Variants in TCF7L2 observed in about 807,000 individuals in gnomAD.
The protein encoded by TCF7L2 is transcription factor 7-like 2.
A neutral mutation model predicts 77.9 loss-of-function variants in TCF7L2; 23 were observed. That is an observed-to-expected ratio of 0.30 (90% confidence interval 0.21 to 0.42). The LOEUF is 0.42. Ranked by LOEUF, TCF7L2 falls within the 10% of genes least tolerant of loss-of-function variation. The pLI, the probability that TCF7L2 is intolerant of heterozygous loss-of-function variation, is 1.00. For missense variants in TCF7L2, 654 were observed against 793.1 expected (o/e 0.82, Z 2.11); for synonymous variants, 413 against 340.2 (o/e 1.21, Z -2.36).
chr10:112,964,733 A>ATGGTGGTGGTGG (rs2036126525), intron 4 of TCF7L2, 109 bp downstream of exon 4: 2 of 774,724 alleles, frequency 2.6e-6, no homozygotes, highest in African/African-American at 4.3e-5. Flanking sequence ...GATGATGATG[A>ATGGTGGTGGTGG]TGATGATGGT....
At chr10:113,093,519 G>A (rs1284083109) in intron 5 of TCF7L2, among the ~76,000 whole-genome samples, 4 of 152,154 alleles carry the variant, frequency 2.6e-5, no homozygotes, top group Non-Finnish European at 5.9e-5. Context: ...CTCAACAATT[G>A]TACTTTCTGT....
At chr10:112,960,691 GT>G (rs11440022) in intron 3 of TCF7L2, among the ~76,000 whole-genome samples, 42 of 144,726 alleles carry the variant, frequency 2.9e-4, no homozygotes, top group South Asian at 1.5e-3. Flanking sequence ...ATGGGAACCT[GT>G]TTTTTTTTTT....
chr10:113,017,639 C>T (rs2047575594), intron 4 of TCF7L2, among the ~76,000 whole-genome samples: 2 of 152,232 alleles, frequency 1.3e-5, no homozygotes, highest in African/African-American at 4.8e-5. Flanking sequence ...CTGGTCACCG[C>T]AGACTTCCTG....
chr10:113,058,543 GC>G (rs1189507634), intron 5 of TCF7L2, among the ~76,000 whole-genome samples: 2 of 152,120 alleles, frequency 1.3e-5, no homozygotes, highest in African/African-American at 4.8e-5. Flanking sequence ...GCAGCTCATA[GC>G]CCCAGCCCCT....
chr10:112,979,555 G>A (rs1436141923), intron 4 of TCF7L2, among the ~76,000 whole-genome samples: 2 of 152,050 alleles, frequency 1.3e-5, no homozygotes, highest in African/African-American at 2.4e-5. Flanking sequence ...TCAGGAGTTC[G>A]AGATCAGCCT....
chr10:113,023,031 G>C (rs55972445), intron 4 of TCF7L2, among the ~76,000 whole-genome samples: 2 of 152,108 alleles, frequency 1.3e-5, no homozygotes, highest in Admixed American at 1.3e-4. Context: ...TTAGTGGAGT[G>C]GGGGCTCAGT....
rs143926023 is a variant in TCF7L2 at position 113,051,994 on chromosome 10, CACTT to C, written c.552+11873_552+11876del. On this transcript the variant is annotated intron_variant, in intron 5 of 13. Coordinates refer to ENST00000627217, the MANE Select transcript of TCF7L2 (RefSeq NM_001146274.2). ...TCGTGTAGTCTCCTCTACTTACTAA[CACTT>C]ACTTGTATTACTAGAAGCATTATTT... 3.9e-3 allele frequency among the ~76,000 whole-genome samples: 587 copies of C among 152,230 alleles called. 3 individuals carry two copies. Among genetic ancestry groups the C allele is most frequent in the African/African-American group, 0.013 (560 of 41,522 alleles).
Position 113,165,927 on chromosome 10 carries a change from G to C in TCF7L2, c.1764G>C (p.Gly588=), listed in dbSNP as rs760212486. ...TACATTCCCACAGCTCCCTGGCCGGGACCCAGCCCCAGCCGCTGTCGCTCG... is the reference window on the plus strand; with the variant it reads ...TACATTCCCACAGCTCCCTGGCCGGCACCCAGCCCCAGCCGCTGTCGCTCG... Residue 588 remains glycine, a synonymous_variant, in exon 14 of 14, where the codon GGG becomes GGC. Coordinates refer to ENST00000627217, the MANE Select transcript of TCF7L2 (RefSeq NM_001146274.2). 2.2e-4 allele frequency: 340 copies of C among 1,560,464 alleles called. No homozygotes were observed. Among genetic ancestry groups the C allele is most frequent in the Non-Finnish European group, 2.9e-4 (329 of 1,151,646 alleles).
chr10:113,133,708 T>TGAGTC (rs1274204831), intron 5 of TCF7L2, among the ~76,000 whole-genome samples: 1 of 152,262 alleles, frequency 6.6e-6, no homozygotes, highest in Non-Finnish European at 1.5e-5. Context: ...TGAGAAACTA[T>TGAGTC]GAGTCGGCAA....
chr10:113,021,270 CT>C (rs1201388724), intron 4 of TCF7L2, among the ~76,000 whole-genome samples: 2 of 152,176 alleles, frequency 1.3e-5, no homozygotes, highest in Non-Finnish European at 2.9e-5. Context: ...AGAGTGCATT[CT>C]GTATGGTAAG....
At chr10:113,038,978 C>T (rs1190461283) in intron 4 of TCF7L2, among the ~76,000 whole-genome samples, 1 of 152,194 alleles carries the variant, frequency 6.6e-6, no homozygotes, top group East Asian at 1.9e-4. Flanking sequence ...TATCTTATAT[C>T]CCCTCCAAGC....
At chr10:113,057,333 C>G (rs754109492) in intron 5 of TCF7L2, among the ~76,000 whole-genome samples, 1 of 152,208 alleles carries the variant, frequency 6.6e-6, no homozygotes, top group African/African-American at 2.4e-5. Context: ...CCAGGCCCAG[C>G]TAACTTTTTG....
At chr10:112,955,319 T>A (rs540458364) in intron 3 of TCF7L2, among the ~76,000 whole-genome samples, 47 of 152,352 alleles carry the variant, frequency 3.1e-4, no homozygotes, top group Non-Finnish European at 6.2e-4. Flanking sequence ...ATGGCGAACA[T>A]GTTTAGATTT....
intron 5 of TCF7L2, among the ~76,000 whole-genome samples, chr10:113,091,899 T>C (rs1013763956): frequency 1.3e-5 from 2 of 152,214 alleles, no homozygotes; most frequent in African/African-American, 4.8e-5. Context: ...TTCTCTGCAT[T>C]AGCCATGGCC....
Position 113,166,354 on chromosome 10 carries a change from T to C in TCF7L2, c.*382T>C, listed in dbSNP as rs572656887. 100 of 231,696 alleles carry C rather than the reference T, an allele frequency of 4.3e-4. No homozygotes were observed. The highest frequency in any genetic ancestry group is 2.0e-3 in the African/African-American group (90 of 44,484). 14.4% of individuals were successfully genotyped at this position (231,696 alleles called of 1,614,324 possible). ...TTTTGAAGCAGCCCTCCAGAAGGAGTTGGTTCTGTATTATTTGTATTAAAT... is the reference window on the plus strand; with the variant it reads ...TTTTGAAGCAGCCCTCCAGAAGGAGCTGGTTCTGTATTATTTGTATTAAAT... On this transcript the variant is annotated 3_prime_UTR_variant, in exon 14 of 14. Coordinates refer to ENST00000627217, the MANE Select transcript of TCF7L2 (RefSeq NM_001146274.2).
intron 5 of TCF7L2, among the ~76,000 whole-genome samples, chr10:113,092,506 G>A (rs533936186): frequency 1.1e-3 from 165 of 152,296 alleles, no homozygotes; most frequent in South Asian, 1.9e-3. Context: ...TGGGCCAGTC[G>A]CTGCTGGAGT....
chr10:113,165,821 A>G lies in TCF7L2; in HGVS notation c.1658A>G (p.Asn553Ser), dbSNP rs762832310. 14 of 1,605,934 alleles carry G rather than the reference A, an allele frequency of 8.7e-6. No homozygotes were observed. The East Asian group carries it at 1.8e-4, about 21-fold the overall frequency. The change falls in exon 14 of 14, where the codon AAC (asparagine) becomes AGC (serine). Residue 553 changes from asparagine to serine, a missense_variant. This residue lies in a region of TCF7L2 where 272 missense variants were observed against 215.4 expected (regional missense o/e 1.26). Transcript: ENST00000627217. Reference sequence around the variant, plus strand: ...CACAAGGCCTCCGCCCTCTGTCCCAACGGGGCCCTGGACCTGCCCCCAGCC... The same window carrying G: ...CACAAGGCCTCCGCCCTCTGTCCCAGCGGGGCCCTGGACCTGCCCCCAGCC...
Position 112,950,277 on chromosome 10 carries a change from T to G in TCF7L2, c.-480T>G. 1 of 216,432 alleles carries G rather than the reference T, an allele frequency of 4.6e-6. No individual in the cohort carries two copies. The highest frequency in any genetic ancestry group is 9.2e-6 in the Non-Finnish European group (1 of 108,190). 13.4% of individuals were successfully genotyped at this position (216,432 alleles called of 1,614,324 possible). A position where few individuals can be genotyped will look rare whatever the true frequency, so the allele number is the denominator to read the frequency against. ...TAATCTCCGCTCCCAGACTACTCCG[T>G]TCCTCCGGATTTCGATCCCCCTTTT... On this transcript the variant is annotated 5_prime_UTR_variant, in exon 1 of 14. Transcript: ENST00000627217.
At chr10:113,114,747 A>G (rs2063521723) in intron 5 of TCF7L2, among the ~76,000 whole-genome samples, 1 of 152,182 alleles carries the variant, frequency 6.6e-6, no homozygotes, top group Non-Finnish European at 1.5e-5. Flanking sequence ...AATTCTCAAA[A>G]AGCGATTTCA....
Sources: gnomAD v4.1 joint callset for allele counts (sites outside exome capture counted in the v4.1 genomes callset) on GRCh38, gnomAD v4.1.1 for gene constraint, gnomAD v4.1.1 regional missense constraint, MANE v1.5 for transcripts, NCBI Gene and HGNC (gene_info 2026-07-23, HGNC 2026-07-21) for gene names.